Variants in CTCFL observed in about 807,000 individuals in gnomAD.
CTCFL encodes transcriptional repressor CTCFL.
Under a neutral mutation model 67.4 loss-of-function variants are expected in CTCFL, and 36 were observed. That is an observed-to-expected ratio of 0.53 (90% CI 0.41 to 0.71). The LOEUF (loss-of-function observed/expected upper bound fraction) is 0.71. Among genes scored for constraint, CTCFL ranks in the 30% least tolerant of loss-of-function variants. The probability of loss-of-function intolerance (pLI) is 0.00; values close to 1 mark genes in which losing one functional copy is unlikely to be tolerated. For synonymous variants in CTCFL, 324 were observed against 302.3 expected (o/e 1.07, Z -0.75); for missense variants, 786 against 835.2 (o/e 0.94, Z 0.73).
At chr20:57,504,178 G>A (rs561088373) in intron 9 of CTCFL, among the ~76,000 whole-genome samples, 16 of 151,734 alleles carry the variant, frequency 1.1e-4, no homozygotes, top group African/African-American at 2.4e-4. Context: ...GGGTTTCACC[G>A]TGTTAGCCAG....
At chr20:57,513,739 A>G (rs2068711893) in intron 7 of CTCFL, 2 of 1,214,748 alleles carry the variant, frequency 1.6e-6, no homozygotes, top group Non-Finnish European at 2.1e-6. Context: ...TTTTCAAAAA[A>G]ATTCATCTCA....
Position 57,515,791 on chromosome 20 carries a change from C to T in CTCFL, c.1103G>A (p.Arg368His), listed in dbSNP as rs772424129. ...GCTGCACTGGCAACACTGAAAGGGG[C>T]GCTCCCCAGTGTGGGATCGGACATG... ...KRHVRSHTGE[R>H]PFQCCQCSYA... The change falls in exon 6 of 11, where the codon CGC (arginine) becomes CAC (histidine). Residue 368 changes from arginine to histidine, a missense_variant. This residue lies in a region of CTCFL where 254 missense variants were observed against 333.9 expected (regional missense o/e 0.76). Transcript: ENST00000243914. 8 of 1,614,016 alleles carry T rather than the reference C, an allele frequency of 5.0e-6. No homozygotes were observed. Among genetic ancestry groups the T allele is most frequent in the South Asian group, 1.1e-5 (1 of 91,066 alleles).
rs1377206184 is a variant in CTCFL, at chr20:57,525,055, CCCACTCCGT to C, written c.-48_-40del. ...CGGAAGGCGTGGCCGGAATGCTCGG[CCCACTCCGT>C]CTTTGGCTTGTGGGCTCTGCCTCGT... On this transcript the variant is annotated 5_prime_UTR_variant, in exon 1 of 11. Coordinates refer to ENST00000243914, the MANE Select transcript of CTCFL (RefSeq NM_001386993.1). 2.0e-5 allele frequency: 3 copies of C among 152,154 alleles called. No homozygotes were observed. The East Asian group carries it at 5.9e-4, about 30-fold the overall frequency. The allele number at this position is 152,154 out of a possible 1,614,324, so 9.4% of individuals were successfully genotyped here. A position where few individuals can be genotyped will look rare whatever the true frequency, so the allele number is the denominator to read the frequency against.
At chr20:57,508,899 T>A in intron 8 of CTCFL, 111 bp from the exon 9 acceptor site, 1 of 984,960 alleles carries the variant, frequency 1.0e-6, no homozygotes, top group Non-Finnish European at 1.5e-6. Flanking sequence ...ATGAGTCCAC[T>A]ATTAAGCAGA....
Position 57,508,651 on chromosome 20 carries a change from C to G in CTCFL, c.1629G>C (p.Pro543=). 1 of 1,614,056 alleles carries G rather than the reference C, an allele frequency of 6.2e-7. No individual in the cohort carries two copies. Among genetic ancestry groups the G allele is most frequent in the Non-Finnish European group, 8.5e-7 (1 of 1,180,020 alleles). The change falls in exon 9 of 11, where the codon CCG becomes CCC. Residue 543 remains proline, a synonymous_variant. Transcript: ENST00000243914. The part of the protein sequence containing the change: ...FRKYHDANFI[P]TVYKCSKCGK... ...CACACTTGGAGCATTTGTAAACAGT[C>G]GGGATGAAATTTGCATCGTGGTATT...
Position 57,523,200 on chromosome 20 carries a change from C to G in CTCFL, c.622G>C (p.Gly208Arg). Reference protein sequence around the residue: ...EQLFFVETMSGDERSDEIVLT... With the variant: ...EQLFFVETMSRDERSDEIVLT... ...ACAATTTCGTCACTTCTTTCATCTC[C>G]TGACATTGTTTCCACAAAAAAGAGC... Residue 208 changes from glycine to arginine, a missense_variant, in exon 3 of 11, where the codon GGA becomes CGA. Gly to Arg is a moderately radical substitution (Grantham distance 125). Coordinates refer to ENST00000243914, the MANE Select transcript of CTCFL (RefSeq NM_001386993.1). 1 of 1,614,038 alleles carries G rather than the reference C, an allele frequency of 6.2e-7. No individual in the cohort carries two copies. The highest frequency in any genetic ancestry group is 8.5e-7 in the Non-Finnish European group (1 of 1,180,010).
chr20:57,512,353 A>G (rs769014839), intron 8 of CTCFL, among the ~76,000 whole-genome samples: 1 of 152,216 alleles, frequency 6.6e-6, no homozygotes, highest in South Asian at 2.1e-4. Flanking sequence ...CATTATCATA[A>G]CAAAGGCTTG....
rs189578721 is a variant in CTCFL at position 57,503,640 on chromosome 20, G to A, written c.1675-39C>T. On this transcript the variant is annotated intron_variant, in intron 9 of 10. Coordinates refer to ENST00000243914, the MANE Select transcript of CTCFL (RefSeq NM_001386993.1). Reference sequence around the variant, plus strand: ...GACACAGAACACACAAGGCGAGTGAGATGGGGCAGGGACCCCTCTCAGGGG... The same window carrying A: ...GACACAGAACACACAAGGCGAGTGAAATGGGGCAGGGACCCCTCTCAGGGG... 2,026 of 1,608,900 alleles carry A rather than the reference G, an allele frequency of 1.3e-3. 31 individuals are homozygous for A. In the African/African-American group the frequency reaches 0.024, roughly 19 times the overall value.
chr20:57,508,503 G>T, intron 9 of CTCFL, 103 bp downstream of exon 9: 1 of 1,086,944 alleles, frequency 9.2e-7, no homozygotes, highest in Non-Finnish European at 1.3e-6. Context: ...TGAAGTCCTG[G>T]CAGGTTTCTA....
rs1359671485 is a variant in CTCFL at position 57,498,661 on chromosome 20, C to G, written c.1881G>C (p.Gln627His). ...AEEASTTKGEQFPGEMFPVAC... is the reference protein window; with the variant it reads ...AEEASTTKGEHFPGEMFPVAC... ...CGACAGGAAACATCTCTCCTGGGAA[C>G]TGTTCTCCCTTCGTGGTGGAAGCCT... Residue 627 changes from glutamine (Q) to histidine (H), a missense_variant, in exon 11 of 11, where the codon CAG (glutamine) becomes CAC (histidine). Transcript: ENST00000243914. 3.1e-6 allele frequency: 5 copies of G among 1,613,960 alleles called. No homozygotes were observed. The highest frequency in any genetic ancestry group is 3.4e-6 in the Non-Finnish European group (4 of 1,179,970).
Position 57,519,127 on chromosome 20 carries a change from T to C in CTCFL, c.925+80A>G, listed in dbSNP as rs887025663. ...TATAAAATGTTACACGATTCTACTG[T>C]AGAAACAGGTGGATTCACATTCTTA... On this transcript the variant is annotated intron_variant, in intron 4 of 10. Transcript: ENST00000243914. The C allele has an allele frequency of 9.1e-6, 13 of 1,422,064 alleles. No homozygotes were observed. The East Asian group carries it at 1.8e-4, about 20-fold the overall frequency. 88.1% of individuals were successfully genotyped at this position (1,422,064 alleles called of 1,614,324 possible).
At chr20:57,514,018 T>A (rs545034777) in intron 7 of CTCFL, 20 of 631,562 alleles carry the variant, frequency 3.2e-5, no homozygotes, top group Admixed American at 1.7e-4. Flanking sequence ...TCTCCCACTC[T>A]GTGGGGTGTG....
chr20:57,515,006 G>A (rs1196838278), intron 6 of CTCFL: 3 of 461,332 alleles, frequency 6.5e-6, no homozygotes, highest in Non-Finnish European at 1.2e-5. Flanking sequence ...CCATGGGGCT[G>A]TACGAATAAC....
intron 6 of CTCFL, chr20:57,515,180 T>A (rs2068827630): frequency 6.1e-6 from 1 of 162,744 alleles, no homozygotes; most frequent in Admixed American, 5.9e-5. Context: ...GTTCTCACTC[T>A]GTCACCCAGG....
intron 5 of CTCFL, among the ~76,000 whole-genome samples, chr20:57,516,941 A>G (rs764584605): frequency 6.6e-6 from 1 of 152,244 alleles, no homozygotes; most frequent in Non-Finnish European, 1.5e-5. Context: ...CGTGGACTAC[A>G]GACATCAGGA....
At chr20:57,521,450 G>C (rs2069354214) in intron 3 of CTCFL, among the ~76,000 whole-genome samples, 1 of 152,210 alleles carries the variant, frequency 6.6e-6, no homozygotes, top group Non-Finnish European at 1.5e-5. Context: ...GAAACTGGAA[G>C]CAACACACAC....
chr20:57,514,462 T>A, intron 7 of CTCFL, 130 bp downstream of exon 7: 1 of 1,070,370 alleles, frequency 9.3e-7, no homozygotes. Flanking sequence ...TGGAAGAAAA[T>A]TCGTCCCAGG....
At chr20:57,517,654 G>T (rs1464991953) in intron 5 of CTCFL, among the ~76,000 whole-genome samples, 1 of 152,128 alleles carries the variant, frequency 6.6e-6, no homozygotes, top group Non-Finnish European at 1.5e-5. Flanking sequence ...TTTTTGTCAC[G>T]GGATGGGATG....
At chr20:57,500,489 T>C in intron 10 of CTCFL, 1 of 158,396 alleles carries the variant, frequency 6.3e-6, no homozygotes, top group Non-Finnish European at 1.4e-5. Context: ...CATCGAGATC[T>C]GTCAATGAAC....
Sources: allele counts gnomAD v4.1 joint callset (sites outside exome capture counted in the v4.1 genomes callset), GRCh38; gene constraint gnomAD v4.1.1; regional missense constraint gnomAD v4.1.1; transcripts MANE v1.5; gene names NCBI Gene and HGNC (gene_info 2026-07-23, HGNC 2026-07-21).